POLQ: variants seen among roughly 807,000 people sequenced by gnomAD.
POLQ encodes epididymis secretory sperm binding protein.
In POLQ, 233 loss-of-function variants were observed where a neutral mutation model predicts 259.2. The ratio of observed to expected loss-of-function variants is 0.90; its 90% CI spans 0.81 to 1.00. The LOEUF is 1.00. POLQ is among the 50% of genes least tolerant of loss of function. The probability of loss-of-function intolerance (pLI) is 0.00; values close to 1 mark genes in which losing one functional copy is unlikely to be tolerated. For synonymous variants in POLQ, 1,025 were observed against 1,048.8 expected, an observed-to-expected ratio of 0.98 and a Z score of 0.44; for missense variants, 2,871 against 3,051.6, an observed-to-expected ratio of 0.94 and a Z score of 1.39.
chr3:121,486,815 A>C lies in POLQ; in HGVS notation c.5629+487T>G, dbSNP rs375210810. Among the ~76,000 whole-genome samples, 19 of 151,718 alleles carry C rather than the reference A, an allele frequency of 1.3e-4. No homozygotes were observed. In the East Asian group the frequency reaches 2.3e-3, roughly 19 times the overall value. Reference sequence around the variant, plus strand: ...AAGGTGGAGGTTGCAGTGAGCGAAGATCAAGATCACACCACTGCACTCCAG... The same window carrying C: ...AAGGTGGAGGTTGCAGTGAGCGAAGCTCAAGATCACACCACTGCACTCCAG... On this transcript the variant is annotated intron_variant, in intron 16 of 29. Coordinates refer to ENST00000264233, the MANE Select transcript of POLQ (RefSeq NM_199420.4).
At chr3:121,484,489 A>G (rs1218046810) in intron 17 of POLQ, among the ~76,000 whole-genome samples, 1 of 152,198 alleles carries the variant, frequency 6.6e-6, no homozygotes, top group African/African-American at 2.4e-5. Context: ...CCCTCAGAGG[A>G]AAAACCCATA....
intron 7 of POLQ, among the ~76,000 whole-genome samples, chr3:121,526,576 T>C (rs2048374912): frequency 1.3e-5 from 2 of 152,198 alleles, no homozygotes; most frequent in Admixed American, 6.5e-5. Flanking sequence ...TTCTCCTCAA[T>C]AATTTTCTTA....
intron 2 of POLQ, among the ~76,000 whole-genome samples, chr3:121,542,416 A>G (rs1298087382): frequency 6.6e-6 from 1 of 152,088 alleles, no homozygotes; most frequent in African/African-American, 2.4e-5. Flanking sequence ...AAGGAAGAGG[A>G]AAGGAATGCC....
At chr3:121,470,522 T>G (rs2047875238) in intron 22 of POLQ, among the ~76,000 whole-genome samples, 1 of 152,178 alleles carries the variant, frequency 6.6e-6, no homozygotes, top group Non-Finnish European at 1.5e-5. Flanking sequence ...CTAGGAGCCA[T>G]GCACTATTCT....
Position 121,458,351 on chromosome 3 carries a change from A to T in POLQ, c.7152+1699T>A, listed in dbSNP as rs1446136848. 2.0e-5 allele frequency among the ~76,000 whole-genome samples: 3 copies of T among 151,944 alleles called. No homozygotes were observed. In the East Asian group the frequency reaches 5.8e-4, roughly 29 times the overall value. On this transcript the variant is annotated intron_variant, in intron 25 of 29. Coordinates refer to ENST00000264233, the MANE Select transcript of POLQ (RefSeq NM_199420.4). ...GTATACATATGTAACTAACCTGCAC[A>T]TTGTGCACATGTACCCTAAAACTTA...
chr3:121,483,352 T>G, intron 18 of POLQ, 34 bp downstream of exon 18: 2 of 1,249,268 alleles, frequency 1.6e-6, no homozygotes, highest in Non-Finnish European at 2.2e-6. Context: ...AAAATGTTGT[T>G]TTAAGTATAT....
At chr3:121,453,203 C>T (rs1039244679) in intron 25 of POLQ, among the ~76,000 whole-genome samples, 2 of 152,162 alleles carry the variant, frequency 1.3e-5, no homozygotes, top group Non-Finnish European at 2.9e-5. Flanking sequence ...GGAAAACTAA[C>T]AAACAGAAAG....
intron 24 of POLQ, among the ~76,000 whole-genome samples, chr3:121,463,650 C>G (rs568801494): frequency 3.3e-5 from 5 of 152,120 alleles, no homozygotes; most frequent in African/African-American, 1.2e-4. Context: ...CAAAATCAAA[C>G]CAGTGGCATA....
rs749996073 is a variant in POLQ, at chr3:121,467,594, G to C, written c.6892C>G (p.Gln2298Glu). The C allele has an allele frequency of 6.2e-7, 1 of 1,613,574 alleles. No individual in the cohort carries two copies. ...CTGTCTGCAGCTCTCTCCTCCATCT[G>C]TGCCTGGCATCTAGGATTCACGCTG... The part of the protein sequence containing the change: ...GFSVNPRCQA[Q>E]MEERAADRGM... Residue 2298 changes from glutamine to glutamate, a missense_variant, in exon 24 of 30, where the codon CAG becomes GAG. Physicochemically the swap from Gln to Glu is conservative, Grantham distance 29. Around this residue, in one of 3 missense-constraint regions of POLQ, gnomAD observed 2,080 missense variants for 2,126.0 expected, o/e 0.98. Transcript: ENST00000264233.
Position 121,481,794 on chromosome 3 carries a change from CTAG to C in POLQ, c.5986_5988del (p.Leu1996del), listed in dbSNP as rs757704553. The C allele has an allele frequency of 1.2e-6, 2 of 1,611,380 alleles. No individual in the cohort carries two copies. The highest frequency in any genetic ancestry group is 2.2e-5 in the South Asian group (2 of 90,822). On this transcript the variant is annotated inframe_deletion, in exon 19 of 30. Coordinates refer to ENST00000264233, the MANE Select transcript of POLQ (RefSeq NM_199420.4). ...AGAGTCGGCTCCTGAGAATCTGGAT[CTAG>C]TAACCAGCATGCCACCTGAATGGGA... is the stretch of plus-strand genomic sequence containing the variant.
rs184012204 is a variant in POLQ at position 121,494,821 on chromosome 3, C to T, written c.2279-1100G>A. ...AGGATGAGACCCACCGTCACTGGGGCGGCAACGTCCTGGGTCCTAAGTCTG... is the reference window on the plus strand; with the variant it reads ...AGGATGAGACCCACCGTCACTGGGGTGGCAACGTCCTGGGTCCTAAGTCTG... On this transcript the variant is annotated intron_variant, in intron 14 of 29. Coordinates refer to ENST00000264233, the MANE Select transcript of POLQ (RefSeq NM_199420.4). The T allele has an allele frequency of 2.6e-3, 3,978 of 1,545,694 alleles. 21 individuals carry two copies. The highest frequency in any genetic ancestry group is 0.02 in the Middle Eastern group (85 of 4,340).
intron 9 of POLQ, among the ~76,000 whole-genome samples, chr3:121,513,271 T>C (rs1427137435): frequency 6.6e-6 from 1 of 152,054 alleles, no homozygotes; most frequent in Non-Finnish European, 1.5e-5. Flanking sequence ...TATCAATGGC[T>C]GTTTATCCCA....
At chr3:121,469,465 T>C (rs2047866052) in intron 22 of POLQ, among the ~76,000 whole-genome samples, 1 of 152,170 alleles carries the variant, frequency 6.6e-6, no homozygotes, top group Non-Finnish European at 1.5e-5. Context: ...TTGGACGTTG[T>C]TTTTTTGAAT....
intron 26 of POLQ, among the ~76,000 whole-genome samples, chr3:121,445,654 G>A (rs1488946525): frequency 6.6e-6 from 1 of 152,132 alleles, no homozygotes; most frequent in Non-Finnish European, 1.5e-5. Flanking sequence ...CTTGAGGCCA[G>A]GAGTTCATGA....
intron 26 of POLQ, among the ~76,000 whole-genome samples, chr3:121,442,246 T>C (rs924561258): frequency 6.6e-6 from 1 of 152,220 alleles, no homozygotes; most frequent in Non-Finnish European, 1.5e-5. Flanking sequence ...AATAATCACA[T>C]GAGGGAAAAT....
intron 9 of POLQ, among the ~76,000 whole-genome samples, chr3:121,519,359 GATATATATATAT>G (rs58512042): frequency 8.0e-5 from 11 of 136,704 alleles, no homozygotes; most frequent in Non-Finnish European, 1.2e-4. Flanking sequence ...AACAGTTGAT[GATATATATATAT>G]ATATATATAT....
Position 121,468,428 on chromosome 3 carries a change from C to T in POLQ, c.6722G>A (p.Arg2241Gln), listed in dbSNP as rs552697616. The change falls in exon 23 of 30, where the codon CGA (arginine) becomes CAA (glutamine). Residue 2241 changes from arginine to glutamine, a missense_variant. Physicochemically the swap from Arg to Gln is conservative, Grantham distance 43. Transcript: ENST00000264233. ...PVSQSHTATGRITFTEPNIQN... is the reference protein window; with the variant it reads ...PVSQSHTATGQITFTEPNIQN... The stretch of plus-strand genomic sequence containing the variant: ...AATATTTGGTTCTGTAAAGGTTATT[C>T]GTCCTAAAATCAAGCAGAATAAAGA... 3.1e-6 allele frequency: 5 copies of T among 1,606,196 alleles called. No homozygotes were observed. The highest frequency in any genetic ancestry group is 1.3e-5 in the African/African-American group (1 of 74,686).
At chr3:121,486,590 G>A (rs1249706223) in intron 16 of POLQ, among the ~76,000 whole-genome samples, 2 of 151,128 alleles carry the variant, frequency 1.3e-5, no homozygotes, top group African/African-American at 2.4e-5. Context: ...GGGGCTGGGC[G>A]CAGTGGCTCA....
chr3:121,493,407 TTATC>T (rs1338755012), intron 15 of POLQ, 67 bp downstream of exon 15: 1 of 1,134,130 alleles, frequency 8.8e-7, no homozygotes, highest in Non-Finnish European at 1.2e-6. Flanking sequence ...CTTTAATACA[TTATC>T]TATTATTTTA....
Sources: gnomAD v4.1 joint callset for allele counts (sites outside exome capture counted in the v4.1 genomes callset) on GRCh38, gnomAD v4.1.1 for gene constraint, gnomAD v4.1.1 regional missense constraint, MANE v1.5 for transcripts, NCBI Gene and HGNC (gene_info 2026-07-23, HGNC 2026-07-21) for gene names.